Variants in SCHIP1 observed in about 807,000 individuals in gnomAD.
SCHIP1 encodes schwannomin interacting protein 1.
A neutral mutation model predicts 29.7 loss-of-function variants in SCHIP1; 8 were observed. That is an observed-to-expected ratio of 0.27 (90% CI 0.16 to 0.49). SCHIP1 has a LOEUF of 0.49. SCHIP1 is among the 20% of genes least tolerant of loss of function. The pLI, the probability that SCHIP1 is intolerant of heterozygous loss-of-function variation, is 0.99. For synonymous variants in SCHIP1, 76 were observed against 94.9 expected (o/e 0.80, Z 1.16); for missense variants, 193 against 294.6 (o/e 0.66, Z 2.52).
chr3:159,273,888 G>A, the SCHIP1 span: 1 of 1,613,272 alleles, frequency 6.2e-7, no homozygotes, highest in Non-Finnish European at 8.5e-7. Context: ...GACAGTGTAA[G>A]TTTTACAAAT....
chr3:159,843,001 C>CTTTTTTTTTTTTTTTTTTTTTTTTT lies in SCHIP1; in HGVS notation c.30+2791_30+2815dup, dbSNP rs566940351. ...TCCAGTTCTATCCCAATATTTCTTTCTTTTTTTTTTTTTTTTTTTTTTTTT... is the reference window on the plus strand; with the variant it reads ...TCCAGTTCTATCCCAATATTTCTTTCTTTTTTTTTTTTTTTTTTTTTTTTTTTTTTTTTTTTTTTTTTTTTTTTTT... On this transcript the variant is annotated intron_variant, in intron 1 of 6. Transcript: ENST00000445224. Among the ~76,000 whole-genome samples the CTTTTTTTTTTTTTTTTTTTTTTTTT allele has an allele frequency of 5.0e-4, 32 of 63,734 alleles. 7 individuals are homozygous for CTTTTTTTTTTTTTTTTTTTTTTTTT. Among genetic ancestry groups the CTTTTTTTTTTTTTTTTTTTTTTTTT allele is most frequent in the Admixed American group, 9.4e-4 (4 of 4,264 alleles). 41.8% of individuals were successfully genotyped at this position (63,734 alleles called of 152,430 possible).
At chr3:159,295,353 C>T in the SCHIP1 span, among the ~76,000 whole-genome samples, 76 of 151,760 alleles carry the variant, frequency 5.0e-4, no homozygotes, top group Admixed American at 1.1e-3. Flanking sequence ...CACCTGAACC[C>T]GGGAGGTGGA....
the SCHIP1 span, among the ~76,000 whole-genome samples, chr3:159,459,801 T>C: frequency 4.6e-5 from 7 of 152,114 alleles, no homozygotes; most frequent in African/African-American, 1.7e-4. Context: ...TAATCCAATA[T>C]GACTGTGTCC....
the SCHIP1 span, among the ~76,000 whole-genome samples, chr3:159,382,759 C>G: frequency 6.6e-6 from 1 of 152,190 alleles, no homozygotes; most frequent in Admixed American, 6.5e-5. Context: ...CACATCCTCT[C>G]CAGCACCTGC....
the SCHIP1 span, among the ~76,000 whole-genome samples, chr3:159,685,953 A>C: frequency 6.6e-5 from 10 of 152,352 alleles, 1 homozygote; most frequent in East Asian, 1.7e-3. Context: ...TAGGCCAACC[A>C]CTAGAAGTTG....
the SCHIP1 span, among the ~76,000 whole-genome samples, chr3:159,717,798 G>A: frequency 6.6e-6 from 1 of 152,110 alleles, no homozygotes; most frequent in Non-Finnish European, 1.5e-5. Flanking sequence ...TTCTTCCAGA[G>A]GTACAAAGAG....
the SCHIP1 span, among the ~76,000 whole-genome samples, chr3:159,522,162 G>GT: frequency 1.3e-5 from 2 of 152,188 alleles, no homozygotes; most frequent in African/African-American, 2.4e-5. Flanking sequence ...GTGTTATGAA[G>GT]TTTTTTCAAT....
chr3:159,544,207 A>C, the SCHIP1 span, among the ~76,000 whole-genome samples: 1 of 152,066 alleles, frequency 6.6e-6, no homozygotes, highest in African/African-American at 2.4e-5. Context: ...GTGTATATAT[A>C]TATGAACTAT....
the SCHIP1 span, among the ~76,000 whole-genome samples, chr3:159,456,173 CTGGGT>C: frequency 6.6e-6 from 1 of 152,242 alleles, no homozygotes; most frequent in African/African-American, 2.4e-5. Flanking sequence ...CTGGAGCTTG[CTGGGT>C]TGGCTAGTGA....
chr3:159,662,655 A>C, the SCHIP1 span, among the ~76,000 whole-genome samples: 1 of 152,222 alleles, frequency 6.6e-6, no homozygotes, highest in African/African-American at 2.4e-5. Flanking sequence ...TAAAAGAATC[A>C]AACCACTCAA....
chr3:159,409,640 C>G, the SCHIP1 span, among the ~76,000 whole-genome samples: 1 of 151,944 alleles, frequency 6.6e-6, no homozygotes, highest in Non-Finnish European at 1.5e-5. Flanking sequence ...GAAGATGACA[C>G]AGAAATATGG....
the SCHIP1 span, among the ~76,000 whole-genome samples, chr3:159,826,186 A>G: frequency 3.3e-5 from 5 of 152,318 alleles, no homozygotes; most frequent in African/African-American, 1.2e-4. Flanking sequence ...GGTTTAATGG[A>G]GGGCAAGCCC....
the SCHIP1 span, among the ~76,000 whole-genome samples, chr3:159,551,824 A>G: frequency 1.3e-4 from 20 of 152,244 alleles, no homozygotes; most frequent in African/African-American, 3.9e-4. Context: ...TGGAACATGA[A>G]ACCACATTAG....
intron 2 of SCHIP1, among the ~76,000 whole-genome samples, chr3:159,877,781 G>T (rs1577477889): frequency 6.6e-6 from 1 of 152,154 alleles, no homozygotes; most frequent in Admixed American, 6.5e-5. Context: ...TCAGCAGGTG[G>T]GGTAGATAGG....
At chr3:159,739,065 T>G in the SCHIP1 span, among the ~76,000 whole-genome samples, 4 of 152,286 alleles carry the variant, frequency 2.6e-5, no homozygotes, top group Admixed American at 2.6e-4. Context: ...AGGTGGCAAT[T>G]TGCATATACA....
At chr3:159,880,769 T>C (rs1716358207) in intron 2 of SCHIP1, among the ~76,000 whole-genome samples, 1 of 152,242 alleles carries the variant, frequency 6.6e-6, no homozygotes, top group Non-Finnish European at 1.5e-5. Context: ...TGCATGAACA[T>C]GTAACTCTTT....
At chr3:159,612,112 T>A in the SCHIP1 span, among the ~76,000 whole-genome samples, 1 of 152,112 alleles carries the variant, frequency 6.6e-6, no homozygotes, top group African/African-American at 2.4e-5. Flanking sequence ...AAAATATTCT[T>A]GAGAAAATTT....
the SCHIP1 span, among the ~76,000 whole-genome samples, chr3:159,601,533 G>T: frequency 9.8e-5 from 15 of 152,288 alleles, no homozygotes; most frequent in African/African-American, 3.6e-4. Context: ...TGCAGAGGGG[G>T]AGGAGGGGTC....
the SCHIP1 span, among the ~76,000 whole-genome samples, chr3:159,430,906 C>G: frequency 6.6e-6 from 1 of 151,954 alleles, no homozygotes; most frequent in South Asian, 2.1e-4. Context: ...GAGCAGTGCT[C>G]CAAGCAGGCC....
Sources: gnomAD v4.1 joint callset for allele counts (sites outside exome capture counted in the v4.1 genomes callset) on GRCh38, gnomAD v4.1.1 for gene constraint, MANE v1.5 for transcripts, NCBI Gene and HGNC (gene_info 2026-07-23, HGNC 2026-07-21) for gene names.